Variants in ANO2 observed in about 807,000 individuals in gnomAD.
ANO2 encodes anoctamin-2.
Under a neutral mutation model 124.2 loss-of-function variants are expected in ANO2, and 101 were observed. The ratio of observed to expected loss-of-function variants is 0.81; its 90% CI spans 0.69 to 0.96. ANO2 has a LOEUF of 0.96. Among genes scored for constraint, ANO2 ranks in the 40% least tolerant of loss-of-function variants. ANO2 has a pLI of 0.00. For synonymous variants in ANO2, 486 were observed against 482.5 expected, an observed-to-expected ratio of 1.01 and a Z score of -0.09; for missense variants, 1,293 against 1,274.5, an observed-to-expected ratio of 1.01 and a Z score of -0.22.
intron 10 of ANO2, among the ~76,000 whole-genome samples, chr12:5,766,172 T>C (rs938781057): frequency 6.6e-6 from 1 of 152,194 alleles, no homozygotes; most frequent in African/African-American, 2.4e-5. Flanking sequence ...AGCATAGGTA[T>C]CCGGTATGAC....
intron 16 of ANO2, among the ~76,000 whole-genome samples, chr12:5,630,499 G>A (rs1205345247): frequency 6.6e-6 from 1 of 152,190 alleles, no homozygotes; most frequent in Non-Finnish European, 1.5e-5. Flanking sequence ...ATCCCATTGT[G>A]TCAGCTTTGC....
At chr12:5,869,291 A>T (rs949302774) in intron 3 of ANO2, among the ~76,000 whole-genome samples, 3 of 151,476 alleles carry the variant, frequency 2.0e-5, no homozygotes, top group Admixed American at 1.3e-4. Context: ...CCTGCTCATT[A>T]CTCTTCTGTG....
chr12:5,771,120 T>C (rs1365011292), intron 10 of ANO2, among the ~76,000 whole-genome samples: 4 of 152,268 alleles, frequency 2.6e-5, no homozygotes, highest in Non-Finnish European at 5.9e-5. Flanking sequence ...TGTTCTGCCC[T>C]GTTCACTGTT....
chr12:5,625,901 A>G (rs1945374981), intron 16 of ANO2, among the ~76,000 whole-genome samples: 2 of 152,146 alleles, frequency 1.3e-5, no homozygotes. Context: ...TATCTTTCTG[A>G]GCCTCAGTGT....
At chr12:5,845,351 A>G (rs569811413) in intron 4 of ANO2, among the ~76,000 whole-genome samples, 12 of 152,238 alleles carry the variant, frequency 7.9e-5, no homozygotes, top group Non-Finnish European at 1.8e-4. Context: ...TTGGATCACA[A>G]GGTCAGGAGA....
intron 10 of ANO2, among the ~76,000 whole-genome samples, chr12:5,794,012 T>G (rs1467476568): frequency 6.6e-6 from 1 of 152,130 alleles, no homozygotes; most frequent in Non-Finnish European, 1.5e-5. Flanking sequence ...ATCTATAAAA[T>G]GGACCAGAAT....
intron 13 of ANO2, among the ~76,000 whole-genome samples, chr12:5,735,270 C>A (rs532740163): frequency 1.7e-4 from 26 of 152,190 alleles, no homozygotes; most frequent in Admixed American, 1.3e-3. Flanking sequence ...CAGATCATCA[C>A]CCCTCCCATC....
chr12:5,775,863 A>G (rs1952220078), intron 10 of ANO2, among the ~76,000 whole-genome samples: 1 of 152,148 alleles, frequency 6.6e-6, no homozygotes, highest in Non-Finnish European at 1.5e-5. Context: ...AACCAACTAC[A>G]GTTTTTGCTG....
intron 14 of ANO2, among the ~76,000 whole-genome samples, chr12:5,705,561 G>T: frequency 6.6e-6 from 1 of 152,164 alleles, no homozygotes; most frequent in Non-Finnish European, 1.5e-5. Flanking sequence ...GCAATACAAG[G>T]TCACTTCTGG....
At chr12:5,631,532 G>A (rs567573287) in intron 16 of ANO2, among the ~76,000 whole-genome samples, 1 of 152,210 alleles carries the variant, frequency 6.6e-6, no homozygotes, top group Non-Finnish European at 1.5e-5. Context: ...TGTCTTTGCT[G>A]TGTTTCCAGA....
chr12:5,909,329 T>C (rs1940895534), intron 3 of ANO2, among the ~76,000 whole-genome samples: 1 of 152,230 alleles, frequency 6.6e-6, no homozygotes, highest in Non-Finnish European at 1.5e-5. Flanking sequence ...TTAGAACAAC[T>C]GTAAATTGAG....
At position 5,901,550 on chromosome 12, in the gene ANO2, C is replaced by T. The variant is rs570725192; in HGVS notation, c.534+19490G>A. 1.6e-3 allele frequency among the ~76,000 whole-genome samples: 251 copies of T among 152,314 alleles called. 2 individuals carry two copies. Among genetic ancestry groups the T allele is most frequent in the Non-Finnish European group, 2.1e-3 (146 of 68,022 alleles). ...TCTGAAGGACCCTGACATGCACAGC[C>T]TGTCCAGAGCTGGGGGCATGGATGA... On this transcript the variant is annotated intron_variant, in intron 3 of 24. Transcript: ENST00000682330.
At chr12:5,742,615 G>A (rs1951134242) in intron 12 of ANO2, among the ~76,000 whole-genome samples, 1 of 152,228 alleles carries the variant, frequency 6.6e-6, no homozygotes, top group African/African-American at 2.4e-5. Flanking sequence ...CTCTACAACA[G>A]GGGATTATGT....
chr12:5,677,566 C>A (rs1424631659), intron 14 of ANO2, among the ~76,000 whole-genome samples: 1 of 152,170 alleles, frequency 6.6e-6, no homozygotes, highest in Middle Eastern at 3.2e-3. Context: ...GGAAACTTCT[C>A]TATGCTGTTC....
chr12:5,602,024 G>A (rs745400451), intron 19 of ANO2, among the ~76,000 whole-genome samples: 5 of 152,270 alleles, frequency 3.3e-5, no homozygotes, highest in Admixed American at 6.5e-5. Context: ...AACAGTAGAC[G>A]CCAATGGCTC....
chr12:5,854,109 T>C lies in ANO2; in HGVS notation c.567A>G (p.Ile189Met). ...TGGCCAGCACCTGCCACGGGGCGTGTATCCGGACAAAGATGGATCCCTGGC... is the reference window on the plus strand; with the variant it reads ...TGGCCAGCACCTGCCACGGGGCGTGCATCCGGACAAAGATGGATCCCTGGC... ...NKSQGSIFVRIHAPWQVLARE... is the reference protein window; with the variant it reads ...NKSQGSIFVRMHAPWQVLARE... The change falls in exon 4 of 25, where the codon ATA becomes ATG. Residue 189 changes from isoleucine (I) to methionine (M), a missense_variant. Ile to Met is a conservative substitution (Grantham distance 10, BLOSUM62 1). Coordinates refer to ENST00000682330, the MANE Select transcript of ANO2 (RefSeq NM_001364791.2). The C allele has an allele frequency of 6.2e-7, 1 of 1,613,188 alleles. No individual in the cohort carries two copies. The highest frequency in any genetic ancestry group is 8.5e-7 in the Non-Finnish European group (1 of 1,179,366).
intron 10 of ANO2, among the ~76,000 whole-genome samples, chr12:5,763,716 T>C (rs1200702099): frequency 1.3e-5 from 2 of 152,098 alleles, no homozygotes; most frequent in Non-Finnish European, 2.9e-5. Context: ...CGTAGAGAGA[T>C]ATTTGTAGTA....
chr12:5,839,088 G>A (rs1258787033), intron 4 of ANO2, among the ~76,000 whole-genome samples: 4 of 152,222 alleles, frequency 2.6e-5, no homozygotes, highest in Admixed American at 2.6e-4. Flanking sequence ...GGCAATGAAA[G>A]GCAGTGATCC....
chr12:5,711,228 G>A (rs1208599024), intron 14 of ANO2, among the ~76,000 whole-genome samples: 5 of 152,034 alleles, frequency 3.3e-5, no homozygotes, highest in African/African-American at 1.2e-4. Context: ...AGTCATAGGG[G>A]CAGATCCCTC....
Sources: allele counts gnomAD v4.1 joint callset (sites outside exome capture counted in the v4.1 genomes callset), GRCh38; gene constraint gnomAD v4.1.1; transcripts MANE v1.5; gene names NCBI Gene and HGNC (gene_info 2026-07-23, HGNC 2026-07-21).